Variants in MAPKAP1 observed in about 807,000 individuals in gnomAD.
The protein encoded by MAPKAP1 is MAPK associated protein 1.
A neutral mutation model predicts 65.7 loss-of-function variants in MAPKAP1; 20 were observed. The ratio of observed to expected loss-of-function variants is 0.30; its 90% CI spans 0.21 to 0.44. The LOEUF is 0.44. MAPKAP1 is among the 20% of genes least tolerant of loss of function. The probability of loss-of-function intolerance (pLI) is 1.00; values close to 1 mark genes in which losing one functional copy is unlikely to be tolerated. For synonymous variants in MAPKAP1, 222 were observed against 244.3 expected (o/e 0.91, Z 0.85); for missense variants, 423 against 648.0 (o/e 0.65, Z 3.77).
intron 4 of MAPKAP1, among the ~76,000 whole-genome samples, chr9:125,650,746 T>C (rs1365904950): frequency 1.3e-5 from 2 of 152,192 alleles, no homozygotes; most frequent in Non-Finnish European, 2.9e-5. Flanking sequence ...TGGAAGAAGT[T>C]AGTTTTAAGA....
At chr9:125,510,705 G>A (rs1006704845) in intron 7 of MAPKAP1, among the ~76,000 whole-genome samples, 1 of 152,336 alleles carries the variant, frequency 6.6e-6, no homozygotes, top group African/African-American at 2.4e-5. Context: ...GGGGAAGGCA[G>A]GGTGGTTAAG....
intron 5 of MAPKAP1, among the ~76,000 whole-genome samples, chr9:125,568,160 A>C (rs923660952): frequency 6.6e-6 from 1 of 152,108 alleles, no homozygotes; most frequent in African/African-American, 2.4e-5. Flanking sequence ...GGCCCAACTT[A>C]GGAGGGTTAA....
intron 7 of MAPKAP1, among the ~76,000 whole-genome samples, chr9:125,509,146 T>G (rs930360627): frequency 6.6e-6 from 1 of 152,156 alleles, no homozygotes; most frequent in South Asian, 2.1e-4. Flanking sequence ...GTTCCCAGTG[T>G]ATAGAAATGA....
chr9:125,444,110 G>A (rs1349080961), intron 11 of MAPKAP1, among the ~76,000 whole-genome samples: 1 of 152,202 alleles, frequency 6.6e-6, no homozygotes, highest in Non-Finnish European at 1.5e-5. Context: ...ATCACCTTCA[G>A]CATAATTATC....
At chr9:125,644,174 T>C (rs1339499) in intron 4 of MAPKAP1, among the ~76,000 whole-genome samples, 44,222 of 151,954 alleles carry the variant, frequency 0.29, 7,059 homozygotes, top group Non-Finnish European at 0.37. Flanking sequence ...AGGAGAAAAA[T>C]AGACATTTTA....
At chr9:125,566,068 T>G (rs939331066) in intron 5 of MAPKAP1, among the ~76,000 whole-genome samples, 4 of 152,222 alleles carry the variant, frequency 2.6e-5, no homozygotes, top group Non-Finnish European at 5.9e-5. Flanking sequence ...AAGCTTATTT[T>G]AGCACACACC....
chr9:125,487,640 CTT>C (rs1854540652), intron 8 of MAPKAP1, among the ~76,000 whole-genome samples: 1 of 147,270 alleles, frequency 6.8e-6, no homozygotes, highest in African/African-American at 2.5e-5. Flanking sequence ...AAAACCCACA[CTT>C]AAGATTTTTA....
At chr9:125,484,112 C>A (rs1445036683) in intron 9 of MAPKAP1, among the ~76,000 whole-genome samples, 3 of 152,156 alleles carry the variant, frequency 2.0e-5, no homozygotes, top group Non-Finnish European at 4.4e-5. Context: ...TAAGAACAGG[C>A]AGGTGGCACC....
intron 4 of MAPKAP1, among the ~76,000 whole-genome samples, chr9:125,592,362 CA>C (rs1390272600): frequency 6.6e-6 from 1 of 152,138 alleles, no homozygotes; most frequent in Non-Finnish European, 1.5e-5. Context: ...AAAAGGTGAG[CA>C]GGAGTTCCCT....
intron 5 of MAPKAP1, among the ~76,000 whole-genome samples, chr9:125,574,971 C>G (rs1301032426): frequency 6.6e-6 from 1 of 152,214 alleles, no homozygotes; most frequent in African/African-American, 2.4e-5. Flanking sequence ...CTGTGAATCT[C>G]ACACTTTCAG....
At chr9:125,459,247 TAG>T (rs1301889882) in intron 10 of MAPKAP1, among the ~76,000 whole-genome samples, 1 of 148,084 alleles carries the variant, frequency 6.8e-6, no homozygotes, top group Non-Finnish European at 1.5e-5. Context: ...CCTCACTTCC[TAG>T]ATGTGATGGC....
intron 4 of MAPKAP1, among the ~76,000 whole-genome samples, chr9:125,647,492 G>A (rs768337243): frequency 2.0e-5 from 3 of 152,166 alleles, no homozygotes; most frequent in East Asian, 1.9e-4. Flanking sequence ...GATCCGAGCC[G>A]TAGACAGTAT....
At chr9:125,697,943 T>C (rs891304600) in intron 1 of MAPKAP1, among the ~76,000 whole-genome samples, 5 of 151,916 alleles carry the variant, frequency 3.3e-5, no homozygotes, top group African/African-American at 1.2e-4. Flanking sequence ...TAATCAATAA[T>C]AACTTTCTGT....
chr9:125,697,345 T>C (rs1397436436), intron 1 of MAPKAP1, among the ~76,000 whole-genome samples: 1 of 152,222 alleles, frequency 6.6e-6, no homozygotes, highest in Non-Finnish European at 1.5e-5. Flanking sequence ...ATGATTTATT[T>C]TTAAATAATT....
At chr9:125,678,914 T>A (rs1834736330) in intron 1 of MAPKAP1, among the ~76,000 whole-genome samples, 1 of 151,612 alleles carries the variant, frequency 6.6e-6, no homozygotes, top group Non-Finnish European at 1.5e-5. Context: ...AAATAAAAAA[T>A]CAAATTCAAG....
chr9:125,556,153 C>T lies in MAPKAP1; in HGVS notation c.848+3480G>A, dbSNP rs143868693. ...TTCAGATCTATTAACTCATTTAATC[C>T]TCATAACTGATCTGTGAGGTAGGTA... On this transcript the variant is annotated intron_variant, in intron 6 of 11. Coordinates refer to ENST00000265960, the MANE Select transcript of MAPKAP1 (RefSeq NM_001006617.3). Among the ~76,000 whole-genome samples, 254 of 152,302 alleles carry T rather than the reference C, an allele frequency of 1.7e-3. 1 individual carries two copies. The highest frequency in any genetic ancestry group is 5.9e-3 in the African/African-American group (244 of 41,552).
intron 7 of MAPKAP1, among the ~76,000 whole-genome samples, chr9:125,531,064 A>T (rs1829919892): frequency 6.6e-6 from 1 of 152,246 alleles, no homozygotes; most frequent in South Asian, 2.1e-4. Flanking sequence ...TAAAAGGGAC[A>T]GGTGGCCTGG....
Position 125,647,933 on chromosome 9 carries a change from TC to T in MAPKAP1, c.498+9717del, listed in dbSNP as rs1257387661. Among the ~76,000 whole-genome samples, 891 of 113,018 alleles carry T rather than the reference TC, an allele frequency of 7.9e-3. 14 individuals carry two copies. The highest frequency in any genetic ancestry group is 0.03 in the African/African-American group (856 of 28,722). The allele number at this position is 113,018 out of a possible 152,430, so 74.1% of individuals were successfully genotyped here. ...GCATTCCCCTTCCCCAGTCCCAATA[TC>T]TTTTTTTTTTTTTTTTTTACATGTA... On this transcript the variant is annotated intron_variant, in intron 4 of 11. Coordinates refer to ENST00000265960, the MANE Select transcript of MAPKAP1 (RefSeq NM_001006617.3).
At chr9:125,498,816 C>T (rs1455947365) in intron 8 of MAPKAP1, among the ~76,000 whole-genome samples, 2 of 152,102 alleles carry the variant, frequency 1.3e-5, no homozygotes, top group Admixed American at 6.6e-5. Context: ...ACAGACCTGC[C>T]CCCTCCCCAC....
Sources: gnomAD v4.1 joint callset for allele counts (sites outside exome capture counted in the v4.1 genomes callset) on GRCh38, gnomAD v4.1.1 for gene constraint, MANE v1.5 for transcripts, NCBI Gene and HGNC (gene_info 2026-07-23, HGNC 2026-07-21) for gene names.